MROH1: variants seen among roughly 807,000 people sequenced by gnomAD.
MROH1 encodes maestro heat-like repeat-containing protein family member 1.
In MROH1, 117 loss-of-function variants were observed where a neutral mutation model predicts 116.5. The observed-to-expected ratio is 1.00, with a 90% confidence interval of 0.86 to 1.17. The LOEUF (loss-of-function observed/expected upper bound fraction) is 1.17. Among genes scored for constraint, MROH1 ranks in the 50% most tolerant of loss-of-function variants. The probability of loss-of-function intolerance (pLI) is 0.00; values close to 1 mark genes in which losing one functional copy is unlikely to be tolerated. For missense variants in MROH1, 1,873 were observed against 1,338.5 expected, an observed-to-expected ratio of 1.40 and a Z score of -6.23; for synonymous variants, 921 against 583.9, an observed-to-expected ratio of 1.58 and a Z score of -8.32.
intron 1 of MROH1, among the ~76,000 whole-genome samples, chr8:144,151,427 G>T (rs893060071): frequency 8.5e-5 from 13 of 152,284 alleles, no homozygotes; most frequent in South Asian, 4.1e-4. Flanking sequence ...CCATCGACTG[G>T]CTGGACAAGG....
At chr8:144,167,594 G>A (rs1020374498) in intron 3 of MROH1, among the ~76,000 whole-genome samples, 6 of 151,856 alleles carry the variant, frequency 4.0e-5, no homozygotes, top group African/African-American at 1.2e-4. Flanking sequence ...GCTGGTTGTC[G>A]GGGTGGAGCG....
chr8:144,154,450 C>G (rs901930948), intron 1 of MROH1, among the ~76,000 whole-genome samples: 1 of 152,104 alleles, frequency 6.6e-6, no homozygotes, highest in African/African-American at 2.4e-5. Context: ...TCATTCAAGG[C>G]ACTGACTAAA....
intron 31 of MROH1, among the ~76,000 whole-genome samples, 195 bp from the exon 32 acceptor site, chr8:144,248,682 G>A (rs926265554): frequency 6.6e-6 from 1 of 152,194 alleles, no homozygotes; most frequent in African/African-American, 2.4e-5. Flanking sequence ...AGCAGGCCCT[G>A]GCAGGTTCCG....
At chr8:144,216,428 C>T (rs1389429753) in intron 12 of MROH1, among the ~76,000 whole-genome samples, 1 of 151,448 alleles carries the variant, frequency 6.6e-6, no homozygotes, top group Non-Finnish European at 1.5e-5. Flanking sequence ...GAGCCGAGAT[C>T]GCACCACTCC....
intron 14 of MROH1, among the ~76,000 whole-genome samples, chr8:144,227,939 T>C (rs762840432): frequency 8.9e-5 from 13 of 145,900 alleles, no homozygotes; most frequent in African/African-American, 1.3e-4. Context: ...GGTGACATAG[T>C]GACACCCTAC....
rs1841179599 is a variant in MROH1, at chr8:144,242,511, C to T, written c.2321C>T (p.Thr774Ile). The T allele has an allele frequency of 1.3e-6, 1 of 780,644 alleles. No homozygotes were observed. 48.4% of individuals were successfully genotyped at this position (780,644 alleles called of 1,614,324 possible). The change falls in exon 23 of 44, where the codon ACC (threonine) becomes ATC (isoleucine). Residue 774 changes from threonine (T) to isoleucine (I), a missense_variant. Transcript: ENST00000326134. The stretch of plus-strand genomic sequence containing the variant: ...CGGAACATCTGCCAGCACTTCAGCA[C>T]CAAGGTGGGCACTGCGGTGGGCCTG... ...ILRNICQHFS[T>I]KVLGIKVETK...
intron 7 of MROH1, among the ~76,000 whole-genome samples, chr8:144,190,106 G>T (rs1003021563): frequency 1.3e-5 from 2 of 152,222 alleles, no homozygotes; most frequent in African/African-American, 2.4e-5. Context: ...CTTGGCCTGA[G>T]GCTGCCTCGC....
chr8:144,153,453 T>C (rs1817336201), intron 1 of MROH1, among the ~76,000 whole-genome samples: 1 of 152,198 alleles, frequency 6.6e-6, no homozygotes, highest in Admixed American at 6.5e-5. Context: ...TGCTTCGGCC[T>C]CCCAAAGTGC....
chr8:144,160,386 A>G (rs980996577), intron 1 of MROH1, among the ~76,000 whole-genome samples: 3 of 152,282 alleles, frequency 2.0e-5, no homozygotes, highest in African/African-American at 7.2e-5. Context: ...GAAGCCCTGG[A>G]TGTTGCTTCT....
chr8:144,192,164 G>C, intron 9 of MROH1, 145 bp from the exon 10 acceptor site: 2 of 720,344 alleles, frequency 2.8e-6, no homozygotes, highest in East Asian at 5.4e-5. Flanking sequence ...GTAGACGAAA[G>C]GCCTCCTCAT....
chr8:144,247,449 C>T lies in MROH1; in HGVS notation c.3007+13C>T. The T allele has an allele frequency of 9.1e-6, 7 of 769,682 alleles. No individual in the cohort carries two copies. Among genetic ancestry groups the T allele is most frequent in the Non-Finnish European group, 1.7e-5 (7 of 412,876 alleles). The allele number at this position is 769,682 out of a possible 1,614,324, so 47.7% of individuals were successfully genotyped here. A position where few individuals can be genotyped will look rare whatever the true frequency, so the allele number is the denominator to read the frequency against. ...CTCGGCTATGAGGGTGAGCCCTCGT[C>T]AGGAGTGTGGGGGCCAGTGGTCGTG... is the stretch of plus-strand genomic sequence containing the variant. On this transcript the variant is annotated intron_variant, in intron 30 of 43. Transcript: ENST00000326134.
chr8:144,220,616 TA>T lies in MROH1; in HGVS notation c.1163del (p.Lys388SerfsTer8). 1 of 1,577,242 alleles carries T rather than the reference TA, an allele frequency of 6.3e-7. No individual in the cohort carries two copies. Among genetic ancestry groups the T allele is most frequent in the Admixed American group, 1.8e-5 (1 of 54,204 alleles). On this transcript the variant is annotated frameshift_variant, in exon 13 of 44. Transcript: ENST00000326134. LOFTEE classifies it high-confidence loss of function. ...TTCTTGCAGCTGCTCAGATGGAAGATAAAAAGCCCTTTATCCTGTCTTCCAT... is the reference window on the plus strand; with the variant it reads ...TTCTTGCAGCTGCTCAGATGGAAGATAAAAGCCCTTTATCCTGTCTTCCAT... ...INSAAAQMED[K>X]KPFILSSMRL... is the part of the protein sequence containing the mutation.
intron 4 of MROH1, among the ~76,000 whole-genome samples, chr8:144,170,826 G>T (rs896006152): frequency 1.2e-4 from 19 of 152,242 alleles, no homozygotes; most frequent in Non-Finnish European, 2.4e-4. Flanking sequence ...TCTTGTACAC[G>T]TCAGCCAGGG....
intron 3 of MROH1, among the ~76,000 whole-genome samples, chr8:144,166,442 C>T (rs766212557): frequency 3.9e-5 from 6 of 152,194 alleles, no homozygotes; most frequent in Non-Finnish European, 8.8e-5. Flanking sequence ...CTCTGGGGTC[C>T]GCTCGGGCTG....
In MROH1 at chr8:144,174,910, G is replaced by A. The variant is rs1402004599; in HGVS notation, c.169-4545G>A. 10 of 985,270 alleles carry A rather than the reference G, an allele frequency of 1.0e-5. No individual in the cohort carries two copies. The African/African-American group carries it at 1.7e-4, about 17-fold the overall frequency. The allele number at this position is 985,270 out of a possible 1,614,324, so 61.0% of individuals were successfully genotyped here. A position where few individuals can be genotyped will look rare whatever the true frequency, so the allele number is the denominator to read the frequency against. On this transcript the variant is annotated intron_variant, in intron 4 of 43. Coordinates refer to ENST00000326134, the MANE Select transcript of MROH1 (RefSeq NM_032450.3). ...CCTGCACTGAGCACTCAATCACCAGGACACAGAGTGACAGATGGAGATGCC... is the reference window on the plus strand; with the variant it reads ...CCTGCACTGAGCACTCAATCACCAGAACACAGAGTGACAGATGGAGATGCC...
At chr8:144,261,429 G>A in intron 43 of MROH1, 80 bp downstream of exon 43, 2 of 700,156 alleles carry the variant, frequency 2.9e-6, no homozygotes, top group African/African-American at 1.7e-5. Context: ...GATTTTCCTG[G>A]ATTTCAGGAC....
rs1275776595 is a variant in MROH1 at position 144,163,047 on chromosome 8, C to T, written c.-56-724C>T. On this transcript the variant is annotated intron_variant, in intron 2 of 43. Coordinates refer to ENST00000326134, the MANE Select transcript of MROH1 (RefSeq NM_032450.3). The surrounding 1 kb of genome is among the most constrained non-coding windows in gnomAD (Gnocchi z 4.4). Reference sequence around the variant, plus strand: ...AAGATTTCTATGATTTCTTACTTCGCCTCCAACCCATGTGTGCACAGCGCA... The same window carrying T: ...AAGATTTCTATGATTTCTTACTTCGTCTCCAACCCATGTGTGCACAGCGCA... Among the ~76,000 whole-genome samples, 2 of 152,226 alleles carry T rather than the reference C, an allele frequency of 1.3e-5. No individual in the cohort carries two copies. Among genetic ancestry groups the T allele is most frequent in the Non-Finnish European group, 2.9e-5 (2 of 68,054 alleles).
Position 144,244,434 on chromosome 8 carries a change from C to T in MROH1, c.2671-10C>T, listed in dbSNP as rs1841540054. 2 of 751,064 alleles carry T rather than the reference C, an allele frequency of 2.7e-6. No homozygotes were observed. The highest frequency in any genetic ancestry group is 5.1e-5 in the East Asian group (2 of 39,484). 46.5% of individuals were successfully genotyped at this position (751,064 alleles called of 1,614,324 possible). On this transcript the variant is annotated splice_polypyrimidine_tract_variant and intron_variant, in intron 27 of 43. Coordinates refer to ENST00000326134, the MANE Select transcript of MROH1 (RefSeq NM_032450.3). ...ACTGGTGGGGCTGGACGGCCTGGCT[C>T]TCCTTCCAGTCCCTGTATCTGGAGA...
At chr8:144,187,129 G>C (rs1827396312) in intron 7 of MROH1, among the ~76,000 whole-genome samples, 1 of 151,746 alleles carries the variant, frequency 6.6e-6, no homozygotes, top group South Asian at 2.1e-4. Context: ...ACAAAACTCA[G>C]GCCGGGCATG....
Sources: gnomAD v4.1 joint callset for allele counts (sites outside exome capture counted in the v4.1 genomes callset) on GRCh38, gnomAD v4.1.1 for gene constraint, Gnocchi (gnomAD v3.1) non-coding constraint, MANE v1.5 for transcripts, NCBI Gene and HGNC (gene_info 2026-07-23, HGNC 2026-07-21) for gene names.